NLRP12: variants seen among roughly 807,000 people sequenced by gnomAD.
NLRP12 encodes the protein NACHT, LRR and PYD domains-containing protein 12.
In NLRP12, 108 loss-of-function variants were observed where a neutral mutation model predicts 91.2. The observed-to-expected ratio is 1.18, with a 90% CI of 1.01 to 1.39. NLRP12 has a LOEUF of 1.39. NLRP12 is among the 40% of genes most tolerant of loss of function. The pLI is 0.00. For missense variants in NLRP12, 1,530 were observed against 1,352.7 expected (o/e 1.13, Z -2.06); for synonymous variants, 613 against 566.7 (o/e 1.08, Z -1.16).
intron 3 of NLRP12, 62 bp downstream of exon 3, chr19:53,809,517 CAAAAAAAA>C (rs3973672): frequency 8.5e-4 from 587 of 694,268 alleles, no homozygotes; most frequent in African/African-American, 1.6e-3. Context: ...GGCAACAGAG[CAAAAAAAA>C]AAAAAAAAAA....
Position 53,810,776 on chromosome 19 carries a change from C to G in NLRP12, c.883G>C (p.Gly295Arg). 1 of 1,613,954 alleles carries G rather than the reference C, an allele frequency of 6.2e-7. No individual in the cohort carries two copies. Among genetic ancestry groups the G allele is most frequent in the Non-Finnish European group, 8.5e-7 (1 of 1,179,960 alleles). Residue 295 changes from glycine (G) to arginine (R), a missense_variant, in exon 3 of 10, where the codon GGC becomes CGC. Physicochemically the swap from Gly to Arg is moderately radical, Grantham distance 125. Transcript: ENST00000324134. ...AAAGAAGGCTTGAGCTCATCGAAGC[C>G]GTCGATGATGAAAAGGAGGCGCTCG... ...VPERLLFIIDGFDELKPSFHD... is the reference protein window; with the variant it reads ...VPERLLFIIDRFDELKPSFHD...
At chr19:53,814,596 C>G (rs923543076) in intron 2 of NLRP12, among the ~76,000 whole-genome samples, 4 of 151,934 alleles carry the variant, frequency 2.6e-5, no homozygotes, top group Admixed American at 2.0e-4. Flanking sequence ...GGTGATCTGC[C>G]CGCTTTGGCC....
intron 3 of NLRP12, chr19:53,808,068 A>T (rs981915148): frequency 8.7e-5 from 25 of 286,646 alleles, no homozygotes; most frequent in Non-Finnish European, 1.6e-4. Flanking sequence ...CTATCTTTTC[A>T]TTTTTTTTTT....
intron 1 of NLRP12, among the ~76,000 whole-genome samples, chr19:53,819,254 C>G (rs1247225799): frequency 6.7e-6 from 1 of 150,278 alleles, no homozygotes; most frequent in African/African-American, 2.4e-5. Context: ...TCTTTCTTTT[C>G]TTTTTTTGAG....
intron 1 of NLRP12, among the ~76,000 whole-genome samples, chr19:53,817,815 CAG>C (rs1273670920): frequency 6.6e-6 from 1 of 152,020 alleles, no homozygotes; most frequent in Non-Finnish European, 1.5e-5. Flanking sequence ...ATTTATGAGA[CAG>C]AGTCTCACTG....
In NLRP12 at chr19:53,800,299, G is replaced by A. The variant is rs533377159; in HGVS notation, c.2756+928C>T. On this transcript the variant is annotated intron_variant, in intron 7 of 9. Transcript: ENST00000324134. ...CAGCCTGGGCGACAGGGCAAGACTC[G>A]TCTCAAAAAAAAAGTAAAAATTAGC... Among the ~76,000 whole-genome samples the A allele has an allele frequency of 6.6e-4, 100 of 151,616 alleles. 1 individual carries two copies. Among genetic ancestry groups the A allele is most frequent in the African/African-American group, 2.0e-3 (83 of 41,340 alleles).
rs145164735 is a variant in NLRP12, at chr19:53,813,458, C to T, written c.370+1450G>A. Reference sequence around the variant, plus strand: ...CTCAGACTACAGGTGCCTGCCACCACGCCTGGCTAATTTTTTTGTATTTTT... The same window carrying T: ...CTCAGACTACAGGTGCCTGCCACCATGCCTGGCTAATTTTTTTGTATTTTT... On this transcript the variant is annotated intron_variant, in intron 2 of 9. Transcript: ENST00000324134. Among the ~76,000 whole-genome samples the T allele has an allele frequency of 2.7e-3, 408 of 151,656 alleles. 4 individuals are homozygous for T. Among genetic ancestry groups the T allele is most frequent in the African/African-American group, 8.6e-3 (355 of 41,374 alleles).
At position 53,795,852 on chromosome 19, in the gene NLRP12, C is replaced by G; in HGVS notation, c.3098+7G>C. 6.2e-7 allele frequency: 1 copy of G among 1,613,794 alleles called. No homozygotes were observed. Among genetic ancestry groups the G allele is most frequent in the Non-Finnish European group, 8.5e-7 (1 of 1,179,748 alleles). ...TCCTCCAGAAAGAACTGGTCATCAT[C>G]CCTCACCAGAGGACTCGGAGTTTGC... is the stretch of plus-strand genomic sequence containing the variant. On this transcript the variant is annotated splice_region_variant and intron_variant, in intron 9 of 9. Coordinates refer to ENST00000324134, the MANE Select transcript of NLRP12 (RefSeq NM_144687.4).
intron 1 of NLRP12, among the ~76,000 whole-genome samples, chr19:53,815,307 CA>C (rs1289033612): frequency 6.7e-5 from 10 of 148,664 alleles, no homozygotes; most frequent in Non-Finnish European, 1.3e-4. Context: ...CGGCTCACCA[CA>C]ACCTCCACCT....
chr19:53,821,008 C>G lies in NLRP12; in HGVS notation c.289+2878G>C, dbSNP rs77665397. On this transcript the variant is annotated intron_variant, in intron 1 of 9. Transcript: ENST00000324134. ...GCATGTATTATCTCTTGAGCTTATG[C>G]CTGAGTATAAATCATATTTTTTCTT... 5.7e-3 allele frequency among the ~76,000 whole-genome samples: 838 copies of G among 148,242 alleles called. 8 individuals carry two copies. Among genetic ancestry groups the G allele is most frequent in the Middle Eastern group, 0.022 (6 of 278 alleles).
At chr19:53,823,130 T>TACACACACACATATATATACACATATAC (rs369913535) in intron 1 of NLRP12, among the ~76,000 whole-genome samples, 83 of 146,136 alleles carry the variant, frequency 5.7e-4, no homozygotes, top group African/African-American at 2.0e-3. Flanking sequence ...TACACATATA[T>TACACACACACATATATATACACATATAC]ACACATATAT....
chr19:53,796,570 G>C (rs1360488313), intron 8 of NLRP12, among the ~76,000 whole-genome samples: 4 of 152,214 alleles, frequency 2.6e-5, no homozygotes, highest in African/African-American at 9.6e-5. Flanking sequence ...CTTTAGTGGA[G>C]AGGGGATTTC....
chr19:53,817,642 A>G (rs535045932), intron 1 of NLRP12, among the ~76,000 whole-genome samples: 70 of 151,946 alleles, frequency 4.6e-4, no homozygotes, highest in African/African-American at 1.6e-3. Flanking sequence ...AGGCTGAGGC[A>G]GGATAATTGC....
intron 9 of NLRP12, among the ~76,000 whole-genome samples, chr19:53,795,113 T>C (rs960156619): frequency 4.0e-5 from 6 of 149,502 alleles, no homozygotes; most frequent in Non-Finnish European, 7.5e-5. Flanking sequence ...TGTGCGTGTG[T>C]GTGTGTGTGT....
chr19:53,811,980 T>C (rs927150248), intron 2 of NLRP12, among the ~76,000 whole-genome samples: 2 of 152,088 alleles, frequency 1.3e-5, no homozygotes, highest in Admixed American at 1.3e-4. Context: ...CTCACGCCTG[T>C]AATCCCAGCA....
At chr19:53,806,508 C>A (rs1447730901) in intron 4 of NLRP12, among the ~76,000 whole-genome samples, 2 of 151,306 alleles carry the variant, frequency 1.3e-5, no homozygotes, top group African/African-American at 2.4e-5. Flanking sequence ...GGTGAAACCC[C>A]GTCTCTACTA....
chr19:53,801,420 A>G, intron 6 of NLRP12, 23 bp from the exon 7 acceptor site: 1 of 1,607,556 alleles, frequency 6.2e-7, no homozygotes, highest in South Asian at 1.1e-5. Flanking sequence ...CAATTCAACA[A>G]GCATTATGGA....
In NLRP12 at chr19:53,814,925, A is replaced by G. The variant is rs2092134025; in HGVS notation, c.353T>C (p.Leu118Pro). 1.9e-6 allele frequency: 3 copies of G among 1,613,866 alleles called. No homozygotes were observed. The highest frequency in any genetic ancestry group is 1.6e-4 in the Middle Eastern group (1 of 6,084). ...AGGCTCACCTTTTCTTGGAGTGACA[A>G]GAGAGACTTCCAGAAGGCATGTTGA... ...NQSTCLLEVS[L>P]VTPRKDPQET... Residue 118 changes from leucine to proline, a missense_variant, in exon 2 of 10, where the codon CTT becomes CCT. By Grantham distance (98) the Leu-to-Pro change is moderately conservative (BLOSUM62 -3). Transcript: ENST00000324134.
chr19:53,824,394 T>C, upstream of NLRP12: 1 of 568,488 alleles, frequency 1.8e-6, no homozygotes, highest in South Asian at 2.1e-5. Context: ...CACTCACCAA[T>C]GGCTGTTCTG....
Sources: gnomAD v4.1 joint callset for allele counts (sites outside exome capture counted in the v4.1 genomes callset) on GRCh38, gnomAD v4.1.1 for gene constraint, MANE v1.5 for transcripts, NCBI Gene and HGNC (gene_info 2026-07-23, HGNC 2026-07-21) for gene names.